Variants in SEZ6L2 observed in about 807,000 individuals in gnomAD.
SEZ6L2 encodes seizure related 6 homolog like 2.
A neutral mutation model predicts 97.0 loss-of-function variants in SEZ6L2; 44 were observed. The ratio of observed to expected loss-of-function variants is 0.45; its 90% CI spans 0.36 to 0.58. The LOEUF (loss-of-function observed/expected upper bound fraction) is 0.58, where lower values mean the gene tolerates loss of function less well. Among genes scored for constraint, SEZ6L2 ranks in the 20% least tolerant of loss-of-function variants. The pLI is 0.00. For synonymous variants in SEZ6L2, 543 were observed against 546.1 expected (o/e 0.99, Z 0.08); for missense variants, 1,086 against 1,233.3 (o/e 0.88, Z 1.79).
intron 14 of SEZ6L2, 46 bp from the exon 15 acceptor site, chr16:29,872,789 G>GGA: frequency 6.5e-7 from 1 of 1,527,426 alleles, no homozygotes; most frequent in Non-Finnish European, 9.0e-7. Context: ...GCCAGGGAGG[G>GGA]GAGGAGGCTG....
chr16:29,888,325 G>A (rs1429191906), intron 6 of SEZ6L2, among the ~76,000 whole-genome samples: 1 of 152,082 alleles, frequency 6.6e-6, no homozygotes, highest in Non-Finnish European at 1.5e-5. Flanking sequence ...GGGACACCCC[G>A]AGATGGAGAC....
At chr16:29,879,812 G>C in intron 9 of SEZ6L2, 52 bp downstream of exon 9, 2 of 1,502,746 alleles carry the variant, frequency 1.3e-6, no homozygotes, top group Non-Finnish European at 1.8e-6. Flanking sequence ...GGGATCCCCA[G>C]TTCAGGGGGC....
Position 29,897,072 on chromosome 16 carries a change from G to C in SEZ6L2, c.261C>G (p.Leu87=), listed in dbSNP as rs747109015. The part of the protein sequence containing the change: ...TLATPPAGQT[L]AVPSLPRATE... The stretch of plus-strand genomic sequence containing the variant: ...TGGCCCGTGGCAGGGAGGGCACTGC[G>C]AGAGTCTGGCCGGCCGGAGGGGTGG... The change falls in exon 3 of 18, where the codon CTC becomes CTG. Residue 87 remains leucine, a synonymous_variant. Transcript: ENST00000617533. 7.6e-6 allele frequency: 12 copies of C among 1,581,908 alleles called. No homozygotes were observed. The highest frequency in any genetic ancestry group is 2.7e-5 in the African/African-American group (2 of 74,662).
Position 29,897,055 on chromosome 16 carries a change from G to A in SEZ6L2, c.278C>T (p.Pro93Leu). 1 of 1,580,930 alleles carries A rather than the reference G, an allele frequency of 6.3e-7. No homozygotes were observed. The highest frequency in any genetic ancestry group is 8.5e-7 in the Non-Finnish European group (1 of 1,171,144). Reference protein sequence around the residue: ...AGQTLAVPSLPRATEPGTGPL... With the variant: ...AGQTLAVPSLLRATEPGTGPL... ...CCCTGTCCCCGGCTCAGTGGCCCGT[G>A]GCAGGGAGGGCACTGCGAGAGTCTG... Residue 93 changes from proline (P) to leucine (L), a missense_variant, in exon 3 of 18, where the codon CCA (proline) becomes CTA (leucine). Pro to Leu is a moderately conservative substitution (Grantham distance 98). Transcript: ENST00000617533.
Position 29,873,109 on chromosome 16 carries a change from C to T in SEZ6L2, c.2488+131G>A. 5 of 1,038,454 alleles carry T rather than the reference C, an allele frequency of 4.8e-6. No individual in the cohort carries two copies. The highest frequency in any genetic ancestry group is 1.6e-5 in the African/African-American group (1 of 63,232). The allele number at this position is 1,038,454 out of a possible 1,614,324, so 64.3% of individuals were successfully genotyped here. A position where few individuals can be genotyped will look rare whatever the true frequency, so the allele number is the denominator to read the frequency against. On this transcript the variant is annotated intron_variant, in intron 14 of 17. Transcript: ENST00000617533. The surrounding 1 kb of genome is among the most constrained non-coding windows in gnomAD (Gnocchi z 4.3). Reference sequence around the variant, plus strand: ...GGGCTTCTGGACACACCCGTGAGGACACGAGGCCACAGGAGGAGAACCGGG... The same window carrying T: ...GGGCTTCTGGACACACCCGTGAGGATACGAGGCCACAGGAGGAGAACCGGG...
intron 5 of SEZ6L2, 78 bp downstream of exon 5, chr16:29,895,178 CAAA>C (rs55954869): frequency 0.071 from 38,362 of 538,504 alleles, 4 homozygotes; most frequent in Middle Eastern, 0.092. Context: ...GACTCTGTCT[CAAA>C]AAAAAAAAAA....
At chr16:29,888,862 C>G (rs924593117) in intron 5 of SEZ6L2, 137 bp from the exon 6 acceptor site, 3 of 722,934 alleles carry the variant, frequency 4.1e-6, no homozygotes, top group Non-Finnish European at 4.3e-6. Flanking sequence ...GCGTACATAC[C>G]GAGAAATAAG....
In SEZ6L2 at chr16:29,885,477, C is replaced by G. The variant is rs544783124; in HGVS notation, c.1372+109G>C. 7.4e-6 allele frequency: 9 copies of G among 1,221,148 alleles called. No homozygotes were observed. In the East Asian group the frequency reaches 2.1e-4, roughly 29 times the overall value. 75.6% of individuals were successfully genotyped at this position (1,221,148 alleles called of 1,614,324 possible). ...GGGAAGCGAGTCACGTTTCAAGGAA[C>G]CCAGCACGGAGATGAACAGGCATAG... On this transcript the variant is annotated intron_variant, in intron 8 of 17. Transcript: ENST00000617533.
Position 29,887,642 on chromosome 16 carries a change from C to T in SEZ6L2, c.1208+7G>A. On this transcript the variant is annotated splice_region_variant and intron_variant, in intron 7 of 17. Transcript: ENST00000617533. ...GGGGACTTCTGACCCAAGACCCAGA[C>T]CCTTACCGGTCATTGTCCTCATCCA... The T allele has an allele frequency of 6.4e-7, 1 of 1,560,864 alleles. No homozygotes were observed. Among genetic ancestry groups the T allele is most frequent in the Non-Finnish European group, 8.7e-7 (1 of 1,150,068 alleles).
At chr16:29,872,591 G>A (rs2067808142) in intron 15 of SEZ6L2, 65 bp from the exon 16 acceptor site, 1 of 1,598,462 alleles carries the variant, frequency 6.3e-7, no homozygotes, top group Non-Finnish European at 8.6e-7. Context: ...CCAGCCTCCT[G>A]CCCTGGGCCT....
chr16:29,892,725 G>A (rs1361334312), intron 5 of SEZ6L2, among the ~76,000 whole-genome samples: 1 of 152,260 alleles, frequency 6.6e-6, no homozygotes, highest in Non-Finnish European at 1.5e-5. Flanking sequence ...GCCATGCGGT[G>A]ATGTGAAGGG....
At chr16:29,884,048 G>C (rs909141336) in intron 8 of SEZ6L2, among the ~76,000 whole-genome samples, 1 of 151,758 alleles carries the variant, frequency 6.6e-6, no homozygotes, top group East Asian at 1.9e-4. Flanking sequence ...TCTTCTTCTG[G>C]TAACGGCATC....
rs2068195240 is a variant in SEZ6L2 at position 29,888,486 on chromosome 16, C to T, written c.1039+54G>A. On this transcript the variant is annotated intron_variant, in intron 6 of 17. Transcript: ENST00000617533. ...ACCTGGACACCCCCGAGATAGGACC[C>T]TCCCAATGGGGTTCCCAGAACAGAT... The T allele has an allele frequency of 1.5e-5, 23 of 1,577,846 alleles. No homozygotes were observed. The Middle Eastern group carries it at 5.1e-4, about 35-fold the overall frequency.
At chr16:29,884,982 C>G (rs1025901186) in intron 8 of SEZ6L2, among the ~76,000 whole-genome samples, 1 of 151,756 alleles carries the variant, frequency 6.6e-6, no homozygotes, top group Non-Finnish European at 1.5e-5. Flanking sequence ...CCGAGGCAGG[C>G]GGATCACAAG....
intron 5 of SEZ6L2, among the ~76,000 whole-genome samples, chr16:29,889,614 CTTTTTTTT>C (rs869108927): frequency 3.5e-4 from 25 of 70,558 alleles, no homozygotes; most frequent in Admixed American, 1.0e-3. Context: ...CTTGAAACTT[CTTTTTTTT>C]TTTTTTTTTT....
At chr16:29,874,588 T>TTTTTTTTTTTTTTG (rs2067864714) in intron 12 of SEZ6L2, among the ~76,000 whole-genome samples, 1 of 133,026 alleles carries the variant, frequency 7.5e-6, no homozygotes, top group African/African-American at 3.1e-5. Flanking sequence ...TTTTTTTTTT[T>TTTTTTTTTTTTTTG]GAGATGGGAG....
At chr16:29,879,826 G>T in intron 9 of SEZ6L2, 38 bp downstream of exon 9, 2 of 1,540,726 alleles carry the variant, frequency 1.3e-6, no homozygotes, top group Non-Finnish European at 1.8e-6. Context: ...AGGGGGCAAC[G>T]TGGACTGAAG....
intron 4 of SEZ6L2, 63 bp from the exon 5 acceptor site, chr16:29,895,523 C>A: frequency 6.4e-7 from 1 of 1,563,534 alleles, no homozygotes; most frequent in Non-Finnish European, 8.7e-7. Flanking sequence ...TCCAAAGCCC[C>A]TGTCCTGTGC....
chr16:29,885,235 A>G (rs1017487424), intron 8 of SEZ6L2, among the ~76,000 whole-genome samples: 2 of 152,200 alleles, frequency 1.3e-5, no homozygotes, highest in East Asian at 3.9e-4. Flanking sequence ...TAAATAAAAT[A>G]AAAATTAAGT....
Sources: allele counts gnomAD v4.1 joint callset (sites outside exome capture counted in the v4.1 genomes callset), GRCh38; gene constraint gnomAD v4.1.1; non-coding constraint Gnocchi (gnomAD v3.1); transcripts MANE v1.5; gene names NCBI Gene and HGNC (gene_info 2026-07-23, HGNC 2026-07-21).